The following PCDHGA5 variants were observed in gnomAD, a reference collection of about 807,000 sequenced individuals.
The protein encoded by PCDHGA5 is protocadherin gamma-A5.
PCDHGA5 carries 36 observed loss-of-function variants against 56.7 expected under a neutral mutation model. The observed-to-expected ratio is 0.64, with a 90% CI of 0.49 to 0.84. PCDHGA5 has a LOEUF of 0.84. Ranked by LOEUF, PCDHGA5 falls within the 40% of genes least tolerant of loss-of-function variation. The pLI, the probability that PCDHGA5 is intolerant of heterozygous loss-of-function variation, is 0.00. For missense variants in PCDHGA5, 1,305 were observed against 1,201.5 expected, an observed-to-expected ratio of 1.09 and a Z score of -1.27; for synonymous variants, 563 against 520.2, an observed-to-expected ratio of 1.08 and a Z score of -1.12.
rs145288114 is a variant in PCDHGA5 at position 141,477,334 on chromosome 5, C to T, written c.2422-17473C>T. On this transcript the variant is annotated intron_variant, in intron 1 of 3. Coordinates refer to ENST00000518069, the MANE Select transcript of PCDHGA5 (RefSeq NM_018918.3). This position sits in a 1 kb window ranked among gnomAD's most constrained non-coding sequence, Gnocchi z 4.9. ...GCCTTACTTCTTCCCTCAAGAATTA[C>T]TTCACTTTGAAAACCAGTGCAGACC... is the stretch of plus-strand genomic sequence containing the variant. 1.3e-4 allele frequency: 215 copies of T among 1,614,074 alleles called. No homozygotes were observed. Among genetic ancestry groups the T allele is most frequent in the Non-Finnish European group, 1.8e-4 (210 of 1,180,044 alleles).
intron 1 of PCDHGA5, chr5:141,399,077 G>A (rs1589355843): frequency 6.2e-7 from 1 of 1,613,830 alleles, no homozygotes; most frequent in Non-Finnish European, 8.5e-7. Context: ...GTTGTAGAAG[G>A]GAGGGATGGT....
chr5:141,473,944 C>T (rs1279694347), intron 1 of PCDHGA5, among the ~76,000 whole-genome samples: 1 of 152,156 alleles, frequency 6.6e-6, no homozygotes, highest in Non-Finnish European at 1.5e-5. Context: ...TAGCTCAGGC[C>T]TGTAGTCCCA....
At chr5:141,405,672 G>C (rs755545370) in intron 1 of PCDHGA5, among the ~76,000 whole-genome samples, 3 of 152,024 alleles carry the variant, frequency 2.0e-5, no homozygotes, top group Non-Finnish European at 4.4e-5. Flanking sequence ...GAGACGGGGT[G>C]TCACCATGTT....
rs375516156 is a variant in PCDHGA5 at position 141,510,311 on chromosome 5, C to G, written c.2570-636C>G. Among the ~76,000 whole-genome samples, 70 of 151,056 alleles carry G rather than the reference C, an allele frequency of 4.6e-4. No homozygotes were observed. The South Asian group carries it at 0.014, about 31-fold the overall frequency. On this transcript the variant is annotated intron_variant, in intron 3 of 3. Transcript: ENST00000518069. The stretch of plus-strand genomic sequence containing the variant: ...AAAAAATGCTGTTTTGAAATGGAGG[C>G]TTGGAAGAGCACTCTTCACCCCCAC...
At chr5:141,385,182 G>C (rs374159387) in intron 1 of PCDHGA5, 1 of 1,614,138 alleles carries the variant, frequency 6.2e-7, no homozygotes, top group African/African-American at 1.3e-5. Context: ...CCCTCACCGC[G>C]GACTCTCGGA....
chr5:141,424,655 TTTAA>T (rs1162406206), intron 1 of PCDHGA5: 3 of 152,238 alleles, frequency 2.0e-5, no homozygotes, highest in Non-Finnish European at 4.4e-5. Flanking sequence ...GTATTTGGAC[TTTAA>T]TTAAACTGAT....
chr5:141,465,627 A>C lies in PCDHGA5; in HGVS notation c.2422-29180A>C, dbSNP rs370355596. 1.1e-4 allele frequency among the ~76,000 whole-genome samples: 17 copies of C among 152,326 alleles called. 1 individual carries two copies. The South Asian group carries it at 3.3e-3, about 30-fold the overall frequency. On this transcript the variant is annotated intron_variant, in intron 1 of 3. Coordinates refer to ENST00000518069, the MANE Select transcript of PCDHGA5 (RefSeq NM_018918.3). ...TCTTTGGCCCTCCAGGAAGTCAACCAGCAAAATGCTTTGAACATCCCAAAA... is the reference window on the plus strand; with the variant it reads ...TCTTTGGCCCTCCAGGAAGTCAACCCGCAAAATGCTTTGAACATCCCAAAA...
Position 141,372,600 on chromosome 5 carries a change from G to C in PCDHGA5, c.2421+5849G>C, listed in dbSNP as rs770114948. ...TCAGCCTGGTGTCTGCTTCAAGACT[G>C]TACCTGGAGTTCTCCCCACCTACAG... On this transcript the variant is annotated intron_variant, in intron 1 of 3. Coordinates refer to ENST00000518069, the MANE Select transcript of PCDHGA5 (RefSeq NM_018918.3). 15 of 1,613,886 alleles carry C rather than the reference G, an allele frequency of 9.3e-6. No homozygotes were observed. Among genetic ancestry groups the C allele is most frequent in the South Asian group, 2.2e-5 (2 of 91,088 alleles).
At chr5:141,453,451 T>C (rs1052905667) in intron 1 of PCDHGA5, among the ~76,000 whole-genome samples, 1 of 152,096 alleles carries the variant, frequency 6.6e-6, no homozygotes, top group Non-Finnish European at 1.5e-5. Flanking sequence ...TTTTTGAATA[T>C]GTAAAACATT....
Position 141,491,103 on chromosome 5 carries a change from G to C in PCDHGA5, c.2422-3704G>C. 1 of 1,614,162 alleles carries C rather than the reference G, an allele frequency of 6.2e-7. No individual in the cohort carries two copies. Among genetic ancestry groups the C allele is most frequent in the South Asian group, 1.1e-5 (1 of 91,082 alleles). On this transcript the variant is annotated intron_variant, in intron 1 of 3. Transcript: ENST00000518069. The surrounding 1 kb of genome is among the most constrained non-coding windows in gnomAD (Gnocchi z 6.9). ...CCACAGCCCCAGGACTGTTCCTCGT[G>C]TCTACACACACTGGTGAGGTGCGCA... is the stretch of plus-strand genomic sequence containing the variant.
chr5:141,468,815 A>G (rs866523229), intron 1 of PCDHGA5, among the ~76,000 whole-genome samples: 7 of 151,958 alleles, frequency 4.6e-5, no homozygotes, highest in Middle Eastern at 3.4e-3. Context: ...GCAGTGAGCC[A>G]AGATCAAGCC....
chr5:141,431,658 C>T lies in PCDHGA5; in HGVS notation c.2422-63149C>T, dbSNP rs1283381348. 6.2e-7 allele frequency: 1 copy of T among 1,614,088 alleles called. No individual in the cohort carries two copies. ...TTCAAACTAGATTGTAATTCAGGGA[C>T]AATATCAACAATAGGGGAGTTGGAC... On this transcript the variant is annotated intron_variant, in intron 1 of 3. Transcript: ENST00000518069. The surrounding 1 kb of genome is among the most constrained non-coding windows in gnomAD (Gnocchi z 4.8).
At chr5:141,434,193 T>C (rs2097677103) in intron 1 of PCDHGA5, among the ~76,000 whole-genome samples, 1 of 152,246 alleles carries the variant, frequency 6.6e-6, no homozygotes, top group Non-Finnish European at 1.5e-5. Flanking sequence ...GTAATTCCAA[T>C]GTACTTACTT....
rs368075478 is a variant in PCDHGA5, at chr5:141,403,866, A to G, written c.2421+37115A>G. The G allele has an allele frequency of 1.3e-4, 207 of 1,613,762 alleles. No individual in the cohort carries two copies. Among genetic ancestry groups the G allele is most frequent in the Non-Finnish European group, 1.6e-4 (186 of 1,179,844 alleles). On this transcript the variant is annotated intron_variant, in intron 1 of 3. Transcript: ENST00000518069. ...AATACTGGGGAAATATCAACAGCAA[A>G]AAGTCTAGATTATGAAGAATGTTCA...
At chr5:141,397,756 A>AT (rs1283531463) in intron 1 of PCDHGA5, among the ~76,000 whole-genome samples, 1 of 152,210 alleles carries the variant, frequency 6.6e-6, no homozygotes, top group Admixed American at 6.5e-5. Context: ...AGTTGTTATA[A>AT]TTTTTTATTA....
chr5:141,454,796 ATTTTTTTTTTTTTTTTTT>A (rs61612330), intron 1 of PCDHGA5, among the ~76,000 whole-genome samples: 1 of 77,408 alleles, frequency 1.3e-5, no homozygotes, highest in Non-Finnish European at 2.3e-5. Flanking sequence ...CATGGTTCTA[ATTTTTTTTTTTTTTTTTT>A]TTTTTTTTTT....
chr5:141,448,515 T>C (rs1158968509), intron 1 of PCDHGA5, among the ~76,000 whole-genome samples: 1 of 152,212 alleles, frequency 6.6e-6, no homozygotes, highest in Non-Finnish European at 1.5e-5. Flanking sequence ...TTTATAACTT[T>C]ATTAAGCATC....
rs938964469 is a variant in PCDHGA5 at position 141,485,439 on chromosome 5, C to T, written c.2422-9368C>T. On this transcript the variant is annotated intron_variant, in intron 1 of 3. Transcript: ENST00000518069. This position sits in a 1 kb window ranked among gnomAD's most constrained non-coding sequence, Gnocchi z 5.7. The stretch of plus-strand genomic sequence containing the variant: ...AGCGGAGCCCTGCTCATCAAGAACC[C>T]AATCGACCGAGAGGCACTGTGTGGG... The T allele has an allele frequency of 1.1e-5, 18 of 1,614,182 alleles. No homozygotes were observed. Among genetic ancestry groups the T allele is most frequent in the Non-Finnish European group, 1.5e-5 (18 of 1,180,036 alleles).
chr5:141,379,132 AG>A (rs1236158161), intron 1 of PCDHGA5: 1 of 152,236 alleles, frequency 6.6e-6, no homozygotes, highest in East Asian at 1.9e-4. Flanking sequence ...AAAATAAATG[AG>A]AACCTCCTTT....
Sources: allele counts gnomAD v4.1 joint callset (sites outside exome capture counted in the v4.1 genomes callset), GRCh38; gene constraint gnomAD v4.1.1; non-coding constraint Gnocchi (gnomAD v3.1); transcripts MANE v1.5; gene names NCBI Gene and HGNC (gene_info 2026-07-23, HGNC 2026-07-21).